The following ZNF446 variants were observed in gnomAD, a reference collection of about 807,000 sequenced individuals.
ZNF446 encodes the protein zinc finger protein 446.
Under a neutral mutation model 34.0 loss-of-function variants are expected in ZNF446, and 42 were observed. The observed-to-expected ratio is 1.23, with a 90% confidence interval of 0.96 to 1.60. The LOEUF (loss-of-function observed/expected upper bound fraction) is 1.60, where lower values mean the gene tolerates loss of function less well. ZNF446 is among the 40% of genes most tolerant of loss of function. ZNF446 has a pLI of 0.00. For missense variants in ZNF446, 650 were observed against 600.2 expected (o/e 1.08, Z -0.87); for synonymous variants, 315 against 251.0 (o/e 1.25, Z -2.41).
the ZNF446 span, among the ~76,000 whole-genome samples, chr19:58,486,717 T>TGG: frequency 0.02 from 1,834 of 89,694 alleles, 41 homozygotes; most frequent in African/African-American, 0.089. Flanking sequence ...CTTTTTTTTT[T>TGG]GGGGGGGGGC....
downstream of ZNF446, among the ~76,000 whole-genome samples, chr19:58,482,565 G>C (rs1259360579): frequency 2.6e-5 from 4 of 152,208 alleles, no homozygotes; most frequent in Admixed American, 2.6e-4. Flanking sequence ...TGGATGTTGA[G>C]GGTAGCTGCG....
In ZNF446 at chr19:58,476,431, T is replaced by C. The variant is rs2053086142; in HGVS notation, c.-114T>C. ...ACGCCTCCCTCTTGCCTTCCCCTTT[T>C]GGGGACAGATCCCGAAGTTCGAGCA... On this transcript the variant is annotated 5_prime_UTR_variant, in exon 1 of 7. Transcript: ENST00000594369. 1 of 152,336 alleles carries C rather than the reference T, an allele frequency of 6.6e-6. No homozygotes were observed. The highest frequency in any genetic ancestry group is 6.5e-5 in the Admixed American group (1 of 15,290). The allele number at this position is 152,336 out of a possible 1,614,324, so 9.4% of individuals were successfully genotyped here.
chr19:58,477,852 G>A (rs1489324427), intron 3 of ZNF446, 26 bp downstream of exon 3: 2 of 1,509,600 alleles, frequency 1.3e-6, no homozygotes, highest in South Asian at 1.3e-5. Context: ...CACCAGAGAT[G>A]AGGGACTCCT....
intron 4 of ZNF446, among the ~76,000 whole-genome samples, chr19:58,479,170 G>A (rs1211287823): frequency 6.6e-6 from 1 of 152,188 alleles, no homozygotes; most frequent in Non-Finnish European, 1.5e-5. Flanking sequence ...GAGGCAGGGT[G>A]GGTAGGCTGC....
intron 4 of ZNF446, 141 bp from the exon 5 acceptor site, chr19:58,479,502 C>A: frequency 1.2e-6 from 1 of 835,520 alleles, no homozygotes; most frequent in Non-Finnish European, 1.9e-6. Flanking sequence ...AACAAACACA[C>A]ACCTTGAGAT....
chr19:58,485,461 G>T (rs2053164342), downstream of ZNF446, among the ~76,000 whole-genome samples: 1 of 152,164 alleles, frequency 6.6e-6, no homozygotes, highest in African/African-American at 2.4e-5. Flanking sequence ...AGTGAGCTGA[G>T]ATCATGCCAC....
downstream of ZNF446, among the ~76,000 whole-genome samples, chr19:58,486,229 A>T (rs2053168089): frequency 6.8e-6 from 1 of 146,972 alleles, no homozygotes; most frequent in African/African-American, 2.6e-5. Context: ...GATAGCTGAG[A>T]CTACAGGCAC....
the ZNF446 span, among the ~76,000 whole-genome samples, chr19:58,486,908 T>G: frequency 1.3e-5 from 2 of 151,812 alleles, no homozygotes; most frequent in Non-Finnish European, 2.9e-5. Context: ...GTTCACGCCA[T>G]TCTCCTGCCT....
In ZNF446 at chr19:58,480,838, G is replaced by C. The variant is rs1253249405; in HGVS notation, c.*112G>C. ...CAGCAGGGGATGCCAGAGTGAACAA[G>C]GGGTCCCAAGCCAGTTCCCTGCCCC... On this transcript the variant is annotated 3_prime_UTR_variant, in exon 7 of 7. Coordinates refer to ENST00000594369, the MANE Select transcript of ZNF446 (RefSeq NM_017908.4). The surrounding 1 kb of genome is among the most constrained non-coding windows in gnomAD (Gnocchi z 7.2). 18 of 1,325,194 alleles carry C rather than the reference G, an allele frequency of 1.4e-5. No individual in the cohort carries two copies. The highest frequency in any genetic ancestry group is 1.8e-5 in the Non-Finnish European group (18 of 975,238). The allele number at this position is 1,325,194 out of a possible 1,614,324, so 82.1% of individuals were successfully genotyped here.
intron 4 of ZNF446, chr19:58,479,370 TAA>T (rs1474368285): frequency 2.5e-5 from 11 of 441,734 alleles, no homozygotes; most frequent in Non-Finnish European, 4.1e-5. Flanking sequence ...CATTCCTCGA[TAA>T]AGTCACTCAG....
intron 3 of ZNF446, 57 bp from the exon 4 acceptor site, chr19:58,478,030 G>A: frequency 1.3e-6 from 2 of 1,522,500 alleles, no homozygotes; most frequent in Non-Finnish European, 1.8e-6. Flanking sequence ...CTCCTCATCT[G>A]CCATGGCTCA....
chr19:58,479,633 A>C lies in ZNF446; in HGVS notation c.628-10A>C, dbSNP rs549342189. The C allele has an allele frequency of 1.2e-6, 2 of 1,613,390 alleles. No homozygotes were observed. The highest frequency in any genetic ancestry group is 2.2e-5 in the South Asian group (2 of 90,878). ...GGAAAGACGCCTACAGTGATGGGCC[A>C]CATCCGCAGGAGGAGTGGGGGCTGC... On this transcript the variant is annotated splice_polypyrimidine_tract_variant and intron_variant, in intron 4 of 6. Transcript: ENST00000594369.
Position 58,481,096 on chromosome 19 carries a change from A to G in ZNF446, c.*370A>G, listed in dbSNP as rs1437571383. 3.8e-6 allele frequency: 1 copy of G among 263,202 alleles called. No homozygotes were observed. The highest frequency in any genetic ancestry group is 4.8e-5 in the Admixed American group (1 of 20,932). The allele number at this position is 263,202 out of a possible 1,614,324, so 16.3% of individuals were successfully genotyped here. On this transcript the variant is annotated 3_prime_UTR_variant, in exon 7 of 7. Coordinates refer to ENST00000594369, the MANE Select transcript of ZNF446 (RefSeq NM_017908.4). ...GGGTGTTCAAAAACTGTGCCTTCCC[A>G]CTCGTCTGTGCAGAGGCTGGGCCTG...
At chr19:58,477,592 G>C in intron 2 of ZNF446, 32 bp downstream of exon 2, 10 of 1,613,170 alleles carry the variant, frequency 6.2e-6, no homozygotes, top group African/African-American at 1.3e-5. Context: ...TTCTTGGAGG[G>C]ATAGACCCTG....
the ZNF446 span, among the ~76,000 whole-genome samples, chr19:58,487,131 C>T: frequency 4.7e-4 from 72 of 152,348 alleles, 1 homozygote; most frequent in African/African-American, 1.6e-3. Flanking sequence ...AGTATACAGA[C>T]CCCTAAAACC....
At chr19:58,486,847 G>C in the ZNF446 span, among the ~76,000 whole-genome samples, 1 of 150,916 alleles carries the variant, frequency 6.6e-6, no homozygotes. Context: ...CTGTCGCCCG[G>C]GCTAGAGTGC....
chr19:58,486,534 A>T, the ZNF446 span, among the ~76,000 whole-genome samples: 1 of 151,742 alleles, frequency 6.6e-6, no homozygotes, highest in Non-Finnish European at 1.5e-5. Context: ...CAGCCTCCCG[A>T]GTAGCTGGGA....
rs370288708 is a variant in ZNF446, at chr19:58,476,527, C to T, written c.-41+23C>T. ...CAGGTGGGCGTCTTTCACTGCAGAC[C>T]TTCAGGGCCGGGATGCTGTGGCCAT... On this transcript the variant is annotated intron_variant, in intron 1 of 6. Transcript: ENST00000594369. 1.8e-4 allele frequency: 27 copies of T among 152,386 alleles called. No individual in the cohort carries two copies. The East Asian group carries it at 5.0e-3, about 28-fold the overall frequency. The allele number at this position is 152,386 out of a possible 1,614,324, so 9.4% of individuals were successfully genotyped here. A position where few individuals can be genotyped will look rare whatever the true frequency, so the allele number is the denominator to read the frequency against.
Position 58,477,407 on chromosome 19 carries a change from G to T in ZNF446, c.189G>T (p.Glu63Asp), listed in dbSNP as rs964510679. Residue 63 changes from glutamate to aspartate, a missense_variant, in exon 2 of 7, where the codon GAG (glutamate) becomes GAT (aspartate). By Grantham distance (45) the Glu-to-Asp change is conservative. Transcript: ENST00000594369. ...TGCAGCCTGAGGCACACTCCAAGGA[G>T]CAGATGCTGGAGATGCTGGTGCTGG... ...QWLQPEAHSK[E>D]QMLEMLVLEQ... 1.2e-6 allele frequency: 2 copies of T among 1,613,372 alleles called. No individual in the cohort carries two copies. Among genetic ancestry groups the T allele is most frequent in the African/African-American group, 2.7e-5 (2 of 74,920 alleles).
Sources: allele counts gnomAD v4.1 joint callset (sites outside exome capture counted in the v4.1 genomes callset), GRCh38; gene constraint gnomAD v4.1.1; non-coding constraint Gnocchi (gnomAD v3.1); transcripts MANE v1.5; gene names NCBI Gene and HGNC (gene_info 2026-07-23, HGNC 2026-07-21).